Variants in SETX observed in about 807,000 individuals in gnomAD.
SETX encodes senataxin, also known as helicase senataxin.
Under a neutral mutation model 227.2 loss-of-function variants are expected in SETX, and 90 were observed. The ratio of observed to expected loss-of-function variants is 0.40; its 90% CI spans 0.33 to 0.47. The LOEUF (loss-of-function observed/expected upper bound fraction) is 0.47. Ranked by LOEUF, SETX falls within the 20% of genes least tolerant of loss-of-function variation. SETX has a pLI of 0.91. For synonymous variants in SETX, 1,210 were observed against 1,113.2 expected (o/e 1.09, Z -1.73); for missense variants, 3,052 against 3,181.5 (o/e 0.96, Z 0.98).
At chr9:132,326,012 TG>T (rs1330658770) in intron 10 of SETX, among the ~76,000 whole-genome samples, 2 of 151,920 alleles carry the variant, frequency 1.3e-5, no homozygotes, top group African/African-American at 4.8e-5. Context: ...CTGTTCAACA[TG>T]AAATCTAAAA....
At chr9:132,269,380 A>G in intron 25 of SETX, 6 of 1,494,592 alleles carry the variant, frequency 4.0e-6, no homozygotes, top group Non-Finnish European at 5.4e-6. Context: ...TATGATGTGG[A>G]TAATTTGTTT....
intron 6 of SETX, among the ~76,000 whole-genome samples, chr9:132,335,262 G>T (rs1358915416): frequency 6.6e-6 from 1 of 151,416 alleles, no homozygotes. Flanking sequence ...GTGGTGGCAG[G>T]CGCCTGTGGT....
intron 20 of SETX, 94 bp from the exon 21 acceptor site, chr9:132,278,351 G>A (rs1843290215): frequency 2.4e-6 from 3 of 1,245,012 alleles, no homozygotes; most frequent in East Asian, 2.4e-5. Context: ...ATACGTATAT[G>A]GCAACGTTCA....
intron 15 of SETX, 57 bp downstream of exon 15, chr9:132,295,815 T>C (rs1164541200): frequency 1.3e-6 from 2 of 1,508,484 alleles, no homozygotes; most frequent in African/African-American, 2.8e-5. Flanking sequence ...CATTCAAAGT[T>C]GCCTACACTT....
chr9:132,284,727 G>C (rs1564487305), intron 18 of SETX, among the ~76,000 whole-genome samples: 1 of 152,128 alleles, frequency 6.6e-6, no homozygotes, highest in African/African-American at 2.4e-5. Flanking sequence ...ATATCAAAGT[G>C]CTGTACTTTC....
chr9:132,321,788 C>T (rs1308968435), intron 10 of SETX, among the ~76,000 whole-genome samples: 4 of 151,676 alleles, frequency 2.6e-5, no homozygotes, highest in Non-Finnish European at 5.9e-5. Flanking sequence ...GCAGAGGTTG[C>T]GGTGAGCCGA....
chr9:132,322,839 A>T (rs55966076), intron 10 of SETX, among the ~76,000 whole-genome samples: 1 of 766 alleles, frequency 1.3e-3, no homozygotes, highest in Non-Finnish European at 5.6e-3. Context: ...TAACTTTAAA[A>T]TTATCATAAA....
chr9:132,316,473 T>C (rs1473757054), intron 10 of SETX, among the ~76,000 whole-genome samples: 4 of 152,220 alleles, frequency 2.6e-5, no homozygotes, highest in Non-Finnish European at 1.5e-5. Context: ...TATTCATTAA[T>C]CCATTAATGT....
intron 18 of SETX, among the ~76,000 whole-genome samples, chr9:132,284,467 A>G (rs555106814): frequency 6.6e-6 from 1 of 152,208 alleles, no homozygotes; most frequent in Non-Finnish European, 1.5e-5. Context: ...TTCAGCAAAA[A>G]TACTACTAAC....
rs755050599 is a variant in SETX, at chr9:132,329,558, C to T, written c.2040G>A (p.Glu680=). ...EQNYIKDVKL[E]DHLLAGSCLK... ...AGCATGACCCAGCTAAGAGATGGTC[C>T]TCTAGTTTCACATCCTTTATATAAT... The change falls in exon 10 of 26, where the codon GAG becomes GAA. Residue 680 remains glutamate, a synonymous_variant. Coordinates refer to ENST00000224140, the MANE Select transcript of SETX (RefSeq NM_015046.7). 2 of 1,613,382 alleles carry T rather than the reference C, an allele frequency of 1.2e-6. No individual in the cohort carries two copies. The highest frequency in any genetic ancestry group is 1.1e-5 in the South Asian group (1 of 91,078).
At chr9:132,279,219 A>C (rs1843356070) in intron 20 of SETX, among the ~76,000 whole-genome samples, 1 of 151,378 alleles carries the variant, frequency 6.6e-6, no homozygotes, top group Admixed American at 6.6e-5. Flanking sequence ...ATGTTACCAC[A>C]GTTGTGCCTT....
Position 132,329,364 on chromosome 9 carries a change from C to T in SETX, c.2234G>A (p.Arg745His), listed in dbSNP as rs373933140. The T allele has an allele frequency of 3.8e-5, 61 of 1,613,864 alleles. 1 individual carries two copies. The highest frequency in any genetic ancestry group is 1.6e-4 in the Middle Eastern group (1 of 6,080). The change falls in exon 10 of 26, where the codon CGT (arginine) becomes CAT (histidine). Residue 745 changes from arginine (R) to histidine (H), a missense_variant. Arg to His is a conservative substitution (Grantham distance 29, BLOSUM62 0). Transcript: ENST00000224140. ...ATCAGTGCTAGAATCAGTCAACAAA[C>T]GTGTTGATACTATTATTCCTCTGTC... ...GCDRGIIVSTRLLTDSSTDAL... is the reference protein window; with the variant it reads ...GCDRGIIVSTHLLTDSSTDAL...
rs919752304 is a variant in SETX, at chr9:132,262,292, G to T, written c.*1947C>A. 1 of 152,190 alleles carries T rather than the reference G, an allele frequency of 6.6e-6. No homozygotes were observed. Among genetic ancestry groups the T allele is most frequent in the Non-Finnish European group, 1.5e-5 (1 of 68,028 alleles). 9.4% of individuals were successfully genotyped at this position (152,190 alleles called of 1,614,324 possible). A position where few individuals can be genotyped will look rare whatever the true frequency, so the allele number is the denominator to read the frequency against. On this transcript the variant is annotated 3_prime_UTR_variant, in exon 26 of 26. Coordinates refer to ENST00000224140, the MANE Select transcript of SETX (RefSeq NM_015046.7). Reference sequence around the variant, plus strand: ...TGTTAATAGTATTAACATGAGCAGCGTGAGAGACATCCTGACCCCAACGTT... The same window carrying T: ...TGTTAATAGTATTAACATGAGCAGCTTGAGAGACATCCTGACCCCAACGTT...
intron 10 of SETX, among the ~76,000 whole-genome samples, chr9:132,315,237 C>CA (rs2131371233): frequency 6.6e-6 from 1 of 152,130 alleles, no homozygotes; most frequent in East Asian, 1.9e-4. Flanking sequence ...ATTATTAAAA[C>CA]AACAGCTGTT....
At chr9:132,303,025 T>C (rs1286428307) in intron 11 of SETX, among the ~76,000 whole-genome samples, 1 of 152,146 alleles carries the variant, frequency 6.6e-6, no homozygotes, top group Non-Finnish European at 1.5e-5. Context: ...TGTTTTTGAT[T>C]TATTTTTTTA....
At position 132,327,485 on chromosome 9, in the gene SETX, T is replaced by C. The variant is rs750697305; in HGVS notation, c.4113A>G (p.Thr1371=). 16 of 1,614,040 alleles carry C rather than the reference T, an allele frequency of 9.9e-6. No homozygotes were observed. The highest frequency in any genetic ancestry group is 1.3e-5 in the African/African-American group (1 of 74,954). The change falls in exon 10 of 26, where the codon ACA becomes ACG. Residue 1371 remains threonine (T), a synonymous_variant. Coordinates refer to ENST00000224140, the MANE Select transcript of SETX (RefSeq NM_015046.7). The stretch of plus-strand genomic sequence containing the variant: ...TATGTGACCCTGCTCTTTTAACATC[T>C]GTACTTTCACAATCAGAAAGTCTTC... ...NRRRLSDCES[T]DVKRAGSHTA... is the part of the protein sequence containing the mutation.
At chr9:132,335,241 A>G (rs1037627289) in intron 6 of SETX, among the ~76,000 whole-genome samples, 166 of 151,612 alleles carry the variant, frequency 1.1e-3, no homozygotes, top group Non-Finnish European at 1.6e-3. Context: ...ATACAAAAAA[A>G]TTAGCCAGGC....
intron 10 of SETX, among the ~76,000 whole-genome samples, chr9:132,323,846 T>C (rs891807339): frequency 4.6e-5 from 7 of 151,950 alleles, no homozygotes; most frequent in South Asian, 2.1e-4. Context: ...GAGGCTGCAG[T>C]GAGCCATAAT....
At chr9:132,308,812 A>G (rs1270227002) in intron 11 of SETX, among the ~76,000 whole-genome samples, 1 of 152,214 alleles carries the variant, frequency 6.6e-6, no homozygotes, top group Admixed American at 6.5e-5. Flanking sequence ...TTATATGGAA[A>G]TGCAAAGGGC....
Sources: gnomAD v4.1 joint callset for allele counts (sites outside exome capture counted in the v4.1 genomes callset) on GRCh38, gnomAD v4.1.1 for gene constraint, MANE v1.5 for transcripts, NCBI Gene and HGNC (gene_info 2026-07-23, HGNC 2026-07-21) for gene names.